The following KMT2A variants were observed in gnomAD, a reference collection of about 807,000 sequenced individuals.
KMT2A encodes the protein histone-lysine N-methyltransferase 2A.
Under a neutral mutation model 345.3 loss-of-function variants are expected in KMT2A, and 16 were observed. That is an observed-to-expected ratio of 0.05 (90% CI 0.03 to 0.07). The LOEUF (loss-of-function observed/expected upper bound fraction) is 0.07, where lower values mean the gene tolerates loss of function less well. Ranked by LOEUF, KMT2A falls within the 10% of genes least tolerant of loss-of-function variation. The pLI is 1.00. For synonymous variants in KMT2A, 1,599 were observed against 1,778.6 expected (o/e 0.90, Z 2.54); for missense variants, 3,272 against 4,841.6 (o/e 0.68, Z 9.62).
chr11:118,437,517 C>A (rs544198726), intron 1 of KMT2A, among the ~76,000 whole-genome samples: 1 of 150,880 alleles, frequency 6.6e-6, no homozygotes, highest in East Asian at 2.0e-4. Flanking sequence ...GCCAGCCACT[C>A]CCCCTTCCTT....
At chr11:118,506,762 G>T (rs1555048646) in intron 27 of KMT2A, 116 bp downstream of exon 27, 10 of 1,119,352 alleles carry the variant, frequency 8.9e-6, no homozygotes, top group African/African-American at 1.6e-5. Flanking sequence ...CATTACCTGG[G>T]AGTTTTCCGG....
At chr11:118,442,169 G>C (rs1949328306) in intron 1 of KMT2A, among the ~76,000 whole-genome samples, 1 of 152,188 alleles carries the variant, frequency 6.6e-6, no homozygotes, top group Non-Finnish European at 1.5e-5. Flanking sequence ...GGCCTTTTGT[G>C]AATATCTTGT....
chr11:118,522,286 C>T lies in KMT2A; in HGVS notation c.*114C>T, dbSNP rs868961977. On this transcript the variant is annotated 3_prime_UTR_variant, in exon 36 of 36. Transcript: ENST00000534358. This position sits in a 1 kb window ranked among gnomAD's most constrained non-coding sequence, Gnocchi z 5.4. ...CGGATTGCGTGGCACAGCTGAGGGG[C>T]CTCTGTGATGGCTGAGCTCTCTTAT... 1.7e-5 allele frequency: 18 copies of T among 1,032,630 alleles called. No individual in the cohort carries two copies. The Middle Eastern group carries it at 1.8e-3, about 101-fold the overall frequency. 64.0% of individuals were successfully genotyped at this position (1,032,630 alleles called of 1,614,324 possible). A position where few individuals can be genotyped will look rare whatever the true frequency, so the allele number is the denominator to read the frequency against.
chr11:118,465,733 T>C (rs1394465628), intron 1 of KMT2A, among the ~76,000 whole-genome samples: 1 of 152,224 alleles, frequency 6.6e-6, no homozygotes, highest in Non-Finnish European at 1.5e-5. Flanking sequence ...TTTTTGTTTC[T>C]GAAGTGATTT....
rs1555044562 is a variant in KMT2A at position 118,498,090 on chromosome 11, A to G, written c.5802+17A>G. 1.2e-6 allele frequency: 2 copies of G among 1,608,544 alleles called. No homozygotes were observed. The highest frequency in any genetic ancestry group is 2.7e-5 in the African/African-American group (2 of 74,678). On this transcript the variant is annotated intron_variant, in intron 21 of 35. Coordinates refer to ENST00000534358, the MANE Select transcript of KMT2A (RefSeq NM_001197104.2). This position sits in a 1 kb window ranked among gnomAD's most constrained non-coding sequence, Gnocchi z 4.4. ...AAGCAGCTGGTAAGACCTTATGGGT[A>G]AATTTTATGAAAGAGATTCCCTCTC...
intron 6 of KMT2A, among the ~76,000 whole-genome samples, chr11:118,480,670 ATT>A (rs1419256090): frequency 6.6e-6 from 1 of 151,472 alleles, no homozygotes; most frequent in African/African-American, 2.4e-5. Context: ...GTATTTATTT[ATT>A]TGTTTATTGA....
chr11:118,500,324 A>G lies in KMT2A; in HGVS notation c.6158+411A>G, dbSNP rs9332831. ...CACACAATAATGATCAAATTTTTCA[A>G]TAAGAATTTATAATCTTACCTATAT... On this transcript the variant is annotated intron_variant, in intron 24 of 35. Transcript: ENST00000534358. Among the ~76,000 whole-genome samples, 54 of 152,328 alleles carry G rather than the reference A, an allele frequency of 3.5e-4. 1 individual carries two copies. The South Asian group carries it at 5.8e-3, about 16-fold the overall frequency.
chr11:118,495,591 T>C lies in KMT2A; in HGVS notation c.5364-109T>C. The C allele has an allele frequency of 1.4e-6, 1 of 736,210 alleles. No homozygotes were observed. The highest frequency in any genetic ancestry group is 2.9e-5 in the East Asian group (1 of 34,774). The allele number at this position is 736,210 out of a possible 1,614,324, so 45.6% of individuals were successfully genotyped here. A position where few individuals can be genotyped will look rare whatever the true frequency, so the allele number is the denominator to read the frequency against. On this transcript the variant is annotated intron_variant, in intron 18 of 35. Transcript: ENST00000534358. This position sits in a 1 kb window ranked among gnomAD's most constrained non-coding sequence, Gnocchi z 4.1. ...AACGCTGTGACTTGTTCTTATATTC[T>C]GTGAATGGCTCCTACATGGGGCAAC...
Position 118,503,962 on chromosome 11 carries a change from A to G in KMT2A, c.8070A>G (p.Thr2690=). Residue 2690 remains threonine, a synonymous_variant, in exon 27 of 36, where the codon ACA becomes ACG. Coordinates refer to ENST00000534358, the MANE Select transcript of KMT2A (RefSeq NM_001197104.2). This position sits in a 1 kb window ranked among gnomAD's most constrained non-coding sequence, Gnocchi z 5.3. ...TATACTATTACAACTTCACTAGAACAGTGATTTCTTCAGGTGGAGAGGAAC... is the reference window on the plus strand; with the variant it reads ...TATACTATTACAACTTCACTAGAACGGTGATTTCTTCAGGTGGAGAGGAAC... The part of the protein sequence containing the change: ...DDLYYYNFTR[T]VISSGGEERL... 6.2e-7 allele frequency: 1 copy of G among 1,614,216 alleles called. No homozygotes were observed. Among genetic ancestry groups the G allele is most frequent in the Non-Finnish European group, 8.5e-7 (1 of 1,180,040 alleles).
chr11:118,504,000 A>G lies in KMT2A; in HGVS notation c.8108A>G (p.His2703Arg), dbSNP rs1555047011. The G allele has an allele frequency of 5.0e-6, 8 of 1,614,110 alleles. No homozygotes were observed. In the Admixed American group the frequency reaches 1.2e-4, roughly 24 times the overall value. The change falls in exon 27 of 36, where the codon CAT becomes CGT. Residue 2703 changes from histidine to arginine, a missense_variant. Physicochemically the swap from His to Arg is conservative, Grantham distance 29. Around this residue, in one of 27 missense-constraint regions of KMT2A, gnomAD observed 47 missense variants for 53.6 expected, o/e 0.88. Coordinates refer to ENST00000534358, the MANE Select transcript of KMT2A (RefSeq NM_001197104.2). The surrounding 1 kb of genome is among the most constrained non-coding windows in gnomAD (Gnocchi z 5.3). ...SSGGEERLAS[H>R]NLFREEEQCD... ...GGTGGAGAGGAACGACTGGCATCCC[A>G]TAATTTATTTCGGGAGGAGGAACAG...
At chr11:118,462,601 C>T (rs986721128) in intron 1 of KMT2A, among the ~76,000 whole-genome samples, 1 of 152,168 alleles carries the variant, frequency 6.6e-6, no homozygotes, top group South Asian at 2.1e-4. Context: ...CTCTGTCGCC[C>T]AGGCTGGAGT....
chr11:118,518,954 C>T (rs536238765), intron 31 of KMT2A, among the ~76,000 whole-genome samples: 222 of 139,922 alleles, frequency 1.6e-3, no homozygotes, highest in Non-Finnish European at 2.7e-3. Context: ...TGGCGGCGCC[C>T]GTAGTCCCAG....
At chr11:118,466,778 G>A (rs1421862397) in intron 1 of KMT2A, among the ~76,000 whole-genome samples, 2 of 151,784 alleles carry the variant, frequency 1.3e-5, no homozygotes, top group Non-Finnish European at 2.9e-5. Flanking sequence ...CAGCCTGGGC[G>A]ACAGAGCAAG....
chr11:118,446,285 G>C lies in KMT2A; in HGVS notation c.432+9341G>C, dbSNP rs1286632048. On this transcript the variant is annotated intron_variant, in intron 1 of 35. Coordinates refer to ENST00000534358, the MANE Select transcript of KMT2A (RefSeq NM_001197104.2). The stretch of plus-strand genomic sequence containing the variant: ...AATCGCTTGAACCCGGGAGGCAGAG[G>C]TTGCAGTGAGCTGAGATCACACCAC... Among the ~76,000 whole-genome samples the C allele has an allele frequency of 2.6e-5, 4 of 152,270 alleles. No homozygotes were observed. The East Asian group carries it at 7.7e-4, about 29-fold the overall frequency.
chr11:118,480,189 G>A lies in KMT2A; in HGVS notation c.3585G>A (p.Gln1195=). The change falls in exon 6 of 36, where the codon CAG becomes CAA. Residue 1195 remains glutamine, a synonymous_variant. Coordinates refer to ENST00000534358, the MANE Select transcript of KMT2A (RefSeq NM_001197104.2). ...KKQCCKMRKC[Q]NLQWMPSKAY... ...GTTTTCCTAGGATGAGAAAATGTCAGAATCTACAATGGATGCCTTCCAAAG... is the reference window on the plus strand; with the variant it reads ...GTTTTCCTAGGATGAGAAAATGTCAAAATCTACAATGGATGCCTTCCAAAG... The A allele has an allele frequency of 2.5e-6, 4 of 1,613,308 alleles. No individual in the cohort carries two copies. The highest frequency in any genetic ancestry group is 3.4e-6 in the Non-Finnish European group (4 of 1,179,444).
Position 118,522,892 on chromosome 11 carries a change from T to A in KMT2A, c.*720T>A. 1 of 224,714 alleles carries A rather than the reference T, an allele frequency of 4.5e-6. No homozygotes were observed. Among genetic ancestry groups the A allele is most frequent in the East Asian group, 6.4e-5 (1 of 15,536 alleles). The allele number at this position is 224,714 out of a possible 1,614,324, so 13.9% of individuals were successfully genotyped here. A position where few individuals can be genotyped will look rare whatever the true frequency, so the allele number is the denominator to read the frequency against. ...CCTCTCCCATTCCCTCTTCACTCCC[T>A]TTTCTTCCTTTCCCCTGTCTTCATG... On this transcript the variant is annotated 3_prime_UTR_variant, in exon 36 of 36. Coordinates refer to ENST00000534358, the MANE Select transcript of KMT2A (RefSeq NM_001197104.2). This position sits in a 1 kb window ranked among gnomAD's most constrained non-coding sequence, Gnocchi z 5.4.
chr11:118,455,699 T>C (rs1407317831), intron 1 of KMT2A, among the ~76,000 whole-genome samples: 1 of 151,492 alleles, frequency 6.6e-6, no homozygotes, highest in African/African-American at 2.4e-5. Flanking sequence ...TTTATTTTTA[T>C]TTATTTATTT....
Position 118,499,735 on chromosome 11 carries a change from G to A in KMT2A, c.6080-100G>A, listed in dbSNP as rs1950469362. On this transcript the variant is annotated intron_variant, in intron 23 of 35. Transcript: ENST00000534358. ...GCAGAGGCTGCAGTGAGCTGAGATT[G>A]CGCCACTGCATTCCAGCCTGGGCGA... 8 of 866,050 alleles carry A rather than the reference G, an allele frequency of 9.2e-6. No individual in the cohort carries two copies. In the Admixed American group the frequency reaches 9.4e-5, roughly 10 times the overall value. 53.6% of individuals were successfully genotyped at this position (866,050 alleles called of 1,614,324 possible). A position where few individuals can be genotyped will look rare whatever the true frequency, so the allele number is the denominator to read the frequency against.
At chr11:118,452,093 G>A (rs1408921910) in intron 1 of KMT2A, among the ~76,000 whole-genome samples, 3 of 151,992 alleles carry the variant, frequency 2.0e-5, no homozygotes, top group African/African-American at 7.2e-5. Flanking sequence ...GGCAGTGGCT[G>A]TTCACAGGCA....
Sources: allele counts gnomAD v4.1 joint callset (sites outside exome capture counted in the v4.1 genomes callset), GRCh38; gene constraint gnomAD v4.1.1; regional missense constraint gnomAD v4.1.1; non-coding constraint Gnocchi (gnomAD v3.1); transcripts MANE v1.5; gene names NCBI Gene and HGNC (gene_info 2026-07-23, HGNC 2026-07-21).